The following SGIP1 variants were observed in gnomAD, a reference collection of about 807,000 sequenced individuals.
SGIP1 encodes SH3GL interacting endocytic adaptor 1, also known as SH3-containing GRB2-like protein 3-interacting protein 1.
Under a neutral mutation model 107.5 loss-of-function variants are expected in SGIP1, and 38 were observed. That is an observed-to-expected ratio of 0.35 (90% confidence interval 0.27 to 0.46). The LOEUF (loss-of-function observed/expected upper bound fraction) is 0.46, where lower values mean the gene tolerates loss of function less well. SGIP1 is among the 20% of genes least tolerant of loss of function. The probability of loss-of-function intolerance (pLI) is 1.00; values close to 1 mark genes in which losing one functional copy is unlikely to be tolerated. For synonymous variants in SGIP1, 365 were observed against 366.1 expected (o/e 1.00, Z 0.03); for missense variants, 929 against 1,019.5 (o/e 0.91, Z 1.21).
At chr1:66,601,563 A>G (rs951076068) in intron 1 of SGIP1, among the ~76,000 whole-genome samples, 1 of 152,080 alleles carries the variant, frequency 6.6e-6, no homozygotes. Flanking sequence ...AAAGAATAGA[A>G]TAGAATCCTA....
intron 14 of SGIP1, 136 bp from the exon 15 acceptor site, chr1:66,681,733 G>A: frequency 2.4e-6 from 2 of 819,958 alleles, no homozygotes; most frequent in Non-Finnish European, 3.8e-6. Flanking sequence ...ATCCAATAAA[G>A]ATATTTTTAC....
rs553435968 is a variant in SGIP1, at chr1:66,729,346, G to A, written c.1825G>A (p.Ala609Thr). The stretch of plus-strand genomic sequence containing the variant: ...ACACTTTGCCAACAACCCGTCCCCA[G>A]CTGCTCTGACTTTTCGGGTGATAAA... ...TRHFANNPSP[A>T]ALTFRVINFS... is the part of the protein sequence containing the mutation. The change falls in exon 20 of 25, where the codon GCT (alanine) becomes ACT (threonine). Residue 609 changes from alanine (A) to threonine (T), a missense_variant. This residue lies in a region of SGIP1 where 341 missense variants were observed against 430.9 expected (regional missense o/e 0.79). Coordinates refer to ENST00000371037, the MANE Select transcript of SGIP1 (RefSeq NM_032291.4). 3.7e-6 allele frequency: 6 copies of A among 1,614,076 alleles called. No individual in the cohort carries two copies. The South Asian group carries it at 6.6e-5, about 18-fold the overall frequency.
chr1:66,628,808 C>G (rs142355769), intron 2 of SGIP1, among the ~76,000 whole-genome samples: 6 of 151,914 alleles, frequency 3.9e-5, no homozygotes, highest in Non-Finnish European at 5.9e-5. Context: ...CTGAGGTACT[C>G]TAACGAGACA....
chr1:66,599,642 G>A (rs17129156), intron 1 of SGIP1, among the ~76,000 whole-genome samples: 1,863 of 152,236 alleles, frequency 0.012, 44 homozygotes, highest in African/African-American at 0.043. Context: ...GTGTATTTAT[G>A]CTGCCTTAAT....
In SGIP1 at chr1:66,750,600, A is replaced by G. The variant is rs1300320313; in HGVS notation, c.*7505A>G. 3.9e-5 allele frequency among the ~76,000 whole-genome samples: 6 copies of G among 152,232 alleles called. No homozygotes were observed. The highest frequency in any genetic ancestry group is 4.4e-5 in the Non-Finnish European group (3 of 68,034). On this transcript the variant is annotated 3_prime_UTR_variant, in exon 25 of 25. Transcript: ENST00000371037. Reference sequence around the variant, plus strand: ...AAATACTTACAAAACTGTGAATTAAAATACTCAAGATACTTTCAAAATTTA... The same window carrying G: ...AAATACTTACAAAACTGTGAATTAAGATACTCAAGATACTTTCAAAATTTA...
Position 66,750,327 on chromosome 1 carries a change from A to G in SGIP1, c.*7232A>G, listed in dbSNP as rs751023445. 6.6e-6 allele frequency among the ~76,000 whole-genome samples: 1 copy of G among 152,178 alleles called. No individual in the cohort carries two copies. Among genetic ancestry groups the G allele is most frequent in the East Asian group, 1.9e-4 (1 of 5,206 alleles). On this transcript the variant is annotated 3_prime_UTR_variant, in exon 25 of 25. Coordinates refer to ENST00000371037, the MANE Select transcript of SGIP1 (RefSeq NM_032291.4). ...TACTCGGATATTAATTTTCATTCTT[A>G]CTAAGTGGCCATGTAAGGCATTGAT... is the stretch of plus-strand genomic sequence containing the variant.
chr1:66,575,571 C>T (rs889263032), intron 1 of SGIP1, among the ~76,000 whole-genome samples: 1 of 152,120 alleles, frequency 6.6e-6, no homozygotes, highest in Non-Finnish European at 1.5e-5. Flanking sequence ...GTATGTGGCT[C>T]ATTGTGGGTC....
At chr1:66,536,027 T>A (rs1013294386) in intron 1 of SGIP1, among the ~76,000 whole-genome samples, 1 of 152,206 alleles carries the variant, frequency 6.6e-6, no homozygotes, top group African/African-American at 2.4e-5. Context: ...TCTTTGAAGG[T>A]TGTAACGTTT....
At chr1:66,548,474 T>G (rs1408515831) in intron 1 of SGIP1, among the ~76,000 whole-genome samples, 1 of 152,076 alleles carries the variant, frequency 6.6e-6, no homozygotes, top group Non-Finnish European at 1.5e-5. Context: ...GGCATTAGGC[T>G]TTTTCAGAGA....
At chr1:66,741,546 C>T (rs764313838) in intron 24 of SGIP1, 110 bp downstream of exon 24, 12 of 1,132,188 alleles carry the variant, frequency 1.1e-5, no homozygotes, top group Non-Finnish European at 1.4e-5. Flanking sequence ...CTTTCCCACT[C>T]CCAACCCCCA....
chr1:66,656,544 T>A (rs1434623194), intron 7 of SGIP1, among the ~76,000 whole-genome samples: 7 of 152,168 alleles, frequency 4.6e-5, no homozygotes, highest in Non-Finnish European at 1.0e-4. Flanking sequence ...GCAATAGAAA[T>A]TTTTCAACTC....
At chr1:66,556,749 G>A (rs951829054) in intron 1 of SGIP1, among the ~76,000 whole-genome samples, 4 of 151,892 alleles carry the variant, frequency 2.6e-5, no homozygotes, top group Non-Finnish European at 5.9e-5. Context: ...TCTTTAAAGG[G>A]TGAGTGAACC....
chr1:66,627,295 G>T (rs1236073454), intron 2 of SGIP1, among the ~76,000 whole-genome samples: 2 of 152,092 alleles, frequency 1.3e-5, no homozygotes, highest in African/African-American at 4.8e-5. Context: ...AAGAAGATGA[G>T]GATGTGTATT....
intron 1 of SGIP1, among the ~76,000 whole-genome samples, chr1:66,589,623 C>A (rs1030806278): frequency 6.6e-6 from 1 of 152,150 alleles, no homozygotes; most frequent in South Asian, 2.1e-4. Context: ...AAAACACTCT[C>A]CTGATGCCAT....
chr1:66,680,300 G>A (rs1164326225), intron 14 of SGIP1, among the ~76,000 whole-genome samples: 1 of 152,196 alleles, frequency 6.6e-6, no homozygotes, highest in Admixed American at 6.5e-5. Context: ...CTACACACCT[G>A]TAGACAGATA....
chr1:66,622,103 G>C (rs778373880), intron 1 of SGIP1, among the ~76,000 whole-genome samples: 1 of 152,132 alleles, frequency 6.6e-6, no homozygotes, highest in Non-Finnish European at 1.5e-5. Context: ...GAAACCACGT[G>C]AGTGGATGAA....
chr1:66,660,138 A>AG, intron 7 of SGIP1: 1 of 43,528 alleles, frequency 2.3e-5, no homozygotes, highest in Admixed American at 5.7e-4. Flanking sequence ...GAAAGAAAGA[A>AG]AGAAGAGAGA....
At chr1:66,680,749 G>C (rs1368645052) in intron 14 of SGIP1, among the ~76,000 whole-genome samples, 1 of 152,160 alleles carries the variant, frequency 6.6e-6, no homozygotes, top group African/African-American at 2.4e-5. Context: ...CCATTTATCT[G>C]TAGCCTTGGA....
At chr1:66,704,700 C>T (rs1301335596) in intron 18 of SGIP1, 1 of 152,084 alleles carries the variant, frequency 6.6e-6, no homozygotes, top group African/African-American at 2.4e-5. Context: ...ACTTTGGCTG[C>T]CTACCCTATT....
Sources: gnomAD v4.1 joint callset for allele counts (sites outside exome capture counted in the v4.1 genomes callset) on GRCh38, gnomAD v4.1.1 for gene constraint, gnomAD v4.1.1 regional missense constraint, MANE v1.5 for transcripts, NCBI Gene and HGNC (gene_info 2026-07-23, HGNC 2026-07-21) for gene names.